Variants in TCF7L1 observed in about 807,000 individuals in gnomAD.
The protein encoded by TCF7L1 is transcription factor 7 like 1.
In TCF7L1, 18 loss-of-function variants were observed where a neutral mutation model predicts 63.7. The observed-to-expected ratio is 0.28, with a 90% CI of 0.20 to 0.42. The LOEUF (loss-of-function observed/expected upper bound fraction) is 0.42. Ranked by LOEUF, TCF7L1 falls within the 10% of genes least tolerant of loss-of-function variation. The pLI is 1.00. For synonymous variants in TCF7L1, 355 were observed against 340.9 expected (o/e 1.04, Z -0.46); for missense variants, 654 against 779.3 (o/e 0.84, Z 1.91).
intron 4 of TCF7L1, among the ~76,000 whole-genome samples, chr2:85,284,317 C>T (rs1480339849): frequency 6.6e-6 from 1 of 152,136 alleles, no homozygotes; most frequent in East Asian, 1.9e-4. Context: ...GCCGAAGAGG[C>T]TCTTCTGTAC....
At chr2:85,180,755 C>T (rs754832333) in intron 3 of TCF7L1, among the ~76,000 whole-genome samples, 1 of 152,186 alleles carries the variant, frequency 6.6e-6, no homozygotes, top group African/African-American at 2.4e-5. Flanking sequence ...TTTATTCACT[C>T]GTGTCATCTG....
chr2:85,272,479 A>G (rs1364609381), intron 3 of TCF7L1, among the ~76,000 whole-genome samples: 1 of 152,200 alleles, frequency 6.6e-6, no homozygotes, highest in Non-Finnish European at 1.5e-5. Flanking sequence ...CAGTTTGTCC[A>G]GCACACTTTA....
rs1677556882 is a variant in TCF7L1 at position 85,134,945 on chromosome 2, G to C, written c.441+495G>C. Among the ~76,000 whole-genome samples the C allele has an allele frequency of 1.3e-5, 2 of 152,106 alleles. No homozygotes were observed. The highest frequency in any genetic ancestry group is 4.1e-4 in the South Asian group (2 of 4,830). On this transcript the variant is annotated intron_variant, in intron 3 of 11. Transcript: ENST00000282111. This position sits in a 1 kb window ranked among gnomAD's most constrained non-coding sequence, Gnocchi z 5.0. ...GCCCCCGTTCCCACCCCCAGCCCTC[G>C]CACCGGGGCCTCAGCTTTTCTGCGG...
chr2:85,146,916 T>A (rs2104198210), intron 3 of TCF7L1, among the ~76,000 whole-genome samples: 1 of 152,330 alleles, frequency 6.6e-6, no homozygotes, highest in Non-Finnish European at 1.5e-5. Flanking sequence ...AATTGCTATC[T>A]TAATCTTTCT....
intron 4 of TCF7L1, among the ~76,000 whole-genome samples, chr2:85,286,371 C>CA (rs113858161): frequency 0.012 from 1,422 of 118,078 alleles, 14 homozygotes; most frequent in African/African-American, 0.039. Flanking sequence ...AACAAACAAA[C>CA]AAAAAAAAAA....
At chr2:85,256,178 C>T (rs1241773578) in intron 3 of TCF7L1, among the ~76,000 whole-genome samples, 1 of 152,218 alleles carries the variant, frequency 6.6e-6, no homozygotes, top group Non-Finnish European at 1.5e-5. Flanking sequence ...CAGTTTCTGG[C>T]TTCGATGTGC....
intron 4 of TCF7L1, among the ~76,000 whole-genome samples, chr2:85,300,114 C>T (rs1012252076): frequency 1.3e-5 from 2 of 152,042 alleles, no homozygotes; most frequent in African/African-American, 2.4e-5. Context: ...GAAAGAGAGA[C>T]AATAAAGACA....
intron 5 of TCF7L1, 38 bp downstream of exon 5, chr2:85,302,654 C>T: frequency 1.4e-6 from 2 of 1,453,620 alleles, no homozygotes; most frequent in South Asian, 1.1e-5. Flanking sequence ...TGCTGCAGGG[C>T]AGGCGGGCTT....
At chr2:85,147,407 CT>C (rs982005868) in intron 3 of TCF7L1, among the ~76,000 whole-genome samples, 28 of 152,300 alleles carry the variant, frequency 1.8e-4, no homozygotes, top group Middle Eastern at 3.4e-3. Flanking sequence ...TTCCCCACCC[CT>C]CCCCACGTGA....
chr2:85,208,369 G>GGA (rs935459637), intron 3 of TCF7L1, among the ~76,000 whole-genome samples: 1 of 152,128 alleles, frequency 6.6e-6, no homozygotes, highest in Admixed American at 6.5e-5. Flanking sequence ...CCTTCTGGCA[G>GGA]GAGAGAGAGA....
chr2:85,303,960 G>A lies in TCF7L1; in HGVS notation c.724G>A (p.Gly242Arg), dbSNP rs1558661922. 5 of 1,613,252 alleles carry A rather than the reference G, an allele frequency of 3.1e-6. No individual in the cohort carries two copies. Among genetic ancestry groups the A allele is most frequent in the Non-Finnish European group, 4.2e-6 (5 of 1,179,688 alleles). ...PYYPLSPGAV[G>R]QIPHPLGWLV... Reference sequence around the variant, plus strand: ...TTACCCACTCTCTCCCGGAGCTGTCGGACAAATCCCCCACCCCCTCGGCTG... The same window carrying A: ...TTACCCACTCTCTCCCGGAGCTGTCAGACAAATCCCCCACCCCCTCGGCTG... Residue 242 changes from glycine (G) to arginine (R), a missense_variant, in exon 6 of 12, where the codon GGA becomes AGA. Gly to Arg is a moderately radical substitution (Grantham distance 125). Coordinates refer to ENST00000282111, the MANE Select transcript of TCF7L1 (RefSeq NM_031283.3).
intron 3 of TCF7L1, among the ~76,000 whole-genome samples, chr2:85,215,767 T>TGGGGGGGG (rs1380022989): frequency 7.9e-4 from 12 of 15,268 alleles, no homozygotes; most frequent in African/African-American, 1.0e-3. Flanking sequence ...GGGGTGGGGG[T>TGGGGGGGG]GGGGGGGGGT....
intron 3 of TCF7L1, among the ~76,000 whole-genome samples, chr2:85,195,045 A>G (rs1352045762): frequency 1.3e-5 from 2 of 152,222 alleles, no homozygotes; most frequent in African/African-American, 4.8e-5. Context: ...CCTTTTTCGC[A>G]GCATTTGCCC....
chr2:85,302,201 A>G (rs1681997729), intron 4 of TCF7L1, among the ~76,000 whole-genome samples: 1 of 152,120 alleles, frequency 6.6e-6, no homozygotes. Context: ...ATCCCTCAGC[A>G]GCCTGTAGTG....
intron 4 of TCF7L1, among the ~76,000 whole-genome samples, chr2:85,283,896 C>T (rs1681482374): frequency 6.6e-6 from 1 of 152,252 alleles, no homozygotes; most frequent in African/African-American, 2.4e-5. Context: ...GCCCACTTCA[C>T]GTGGGCAAGG....
At chr2:85,289,093 TC>T (rs1238879465) in intron 4 of TCF7L1, among the ~76,000 whole-genome samples, 1 of 152,210 alleles carries the variant, frequency 6.6e-6, no homozygotes, top group Non-Finnish European at 1.5e-5. Flanking sequence ...TTTTAAAAAA[TC>T]TTTTTTTGAA....
intron 4 of TCF7L1, among the ~76,000 whole-genome samples, chr2:85,284,124 C>A (rs1009813174): frequency 5.3e-5 from 8 of 152,236 alleles, no homozygotes; most frequent in Non-Finnish European, 1.0e-4. Context: ...GATTCTCCTG[C>A]CTCAGCCTCC....
chr2:85,254,359 C>G (rs529464584), intron 3 of TCF7L1, among the ~76,000 whole-genome samples: 1 of 152,354 alleles, frequency 6.6e-6, no homozygotes, highest in East Asian at 1.9e-4. Context: ...TGAACTTCAC[C>G]AGGAATTGAA....
chr2:85,221,569 G>T (rs1041083355), intron 3 of TCF7L1, among the ~76,000 whole-genome samples: 16 of 152,132 alleles, frequency 1.1e-4, no homozygotes, highest in Non-Finnish European at 2.4e-4. Context: ...AAGAGAGTAC[G>T]CCTGTGTGTG....
Sources: gnomAD v4.1 joint callset for allele counts (sites outside exome capture counted in the v4.1 genomes callset) on GRCh38, gnomAD v4.1.1 for gene constraint, Gnocchi (gnomAD v3.1) non-coding constraint, MANE v1.5 for transcripts, NCBI Gene and HGNC (gene_info 2026-07-23, HGNC 2026-07-21) for gene names.